Variants in TLL1 observed in about 807,000 individuals in gnomAD.
TLL1 encodes tolloid-like protein 1.
In TLL1, 49 loss-of-function variants were observed where a neutral mutation model predicts 128.2. The observed-to-expected ratio is 0.38, with a 90% CI of 0.30 to 0.48. The LOEUF is 0.48. TLL1 is among the 20% of genes least tolerant of loss of function. The pLI is 0.96. For missense variants in TLL1, 1,123 were observed against 1,242.0 expected, an observed-to-expected ratio of 0.90 and a Z score of 1.44; for synonymous variants, 454 against 418.8, an observed-to-expected ratio of 1.08 and a Z score of -1.03.
chr4:165,966,644 C>T (rs912328237), intron 1 of TLL1, among the ~76,000 whole-genome samples: 9 of 152,084 alleles, frequency 5.9e-5, no homozygotes, highest in African/African-American at 2.2e-4. Flanking sequence ...CTGGGGGAGA[C>T]ATCACATGTC....
In TLL1 at chr4:166,103,281, G is replaced by A. The variant is rs1742370552; in HGVS notation, c.*2405G>A. 1 of 151,770 alleles carries A rather than the reference G, an allele frequency of 6.6e-6. No individual in the cohort carries two copies. Among genetic ancestry groups the A allele is most frequent in the East Asian group, 1.9e-4 (1 of 5,160 alleles). The allele number at this position is 151,770 out of a possible 1,614,324, so 9.4% of individuals were successfully genotyped here. On this transcript the variant is annotated 3_prime_UTR_variant, in exon 21 of 21. Coordinates refer to ENST00000061240, the MANE Select transcript of TLL1 (RefSeq NM_012464.5). The stretch of plus-strand genomic sequence containing the variant: ...GGGGTGAATTAGAGTAAAACTTACA[G>A]GATAAGCATTTTGCTCTTTTTAAGA...
Position 166,043,335 on chromosome 4 carries a change from T to A in TLL1, c.1440T>A (p.Asp480Glu), listed in dbSNP as rs1266501527. The A allele has an allele frequency of 3.1e-6, 5 of 1,614,052 alleles. No homozygotes were observed. The highest frequency in any genetic ancestry group is 4.2e-6 in the Non-Finnish European group (5 of 1,180,004). The change falls in exon 12 of 21, where the codon GAT becomes GAA. Residue 480 changes from aspartate to glutamate, a missense_variant. Around this residue, in one of 3 missense-constraint regions of TLL1, gnomAD observed 634 missense variants for 672.4 expected, o/e 0.94. Transcript: ENST00000061240. ...EGQIQSPNYP[D>E]DYRPMKECVW... is the part of the protein sequence containing the mutation. ...AGATTCAGTCTCCCAATTATCCTGA[T>A]GACTATCGCCCGATGAAAGAATGTG...
rs1736783530 is a variant in TLL1 at position 165,994,588 on chromosome 4, AT to A, written c.514+57del. 3 of 1,589,070 alleles carry A rather than the reference AT, an allele frequency of 1.9e-6. No individual in the cohort carries two copies. In the East Asian group the frequency reaches 6.7e-5, roughly 36 times the overall value. On this transcript the variant is annotated intron_variant, in intron 4 of 20. Transcript: ENST00000061240. ...TAAAGAAATAAAAACTATCATACAG[AT>A]TAAGTGTCTATTTTTATAGAATATT...
rs1207682977 is a variant in TLL1 at position 165,992,781 on chromosome 4, C to G, written c.281-23C>G. 8.7e-6 allele frequency: 14 copies of G among 1,607,984 alleles called. No individual in the cohort carries two copies. The East Asian group carries it at 1.1e-4, about 13-fold the overall frequency. On this transcript the variant is annotated intron_variant, in intron 2 of 20. Coordinates refer to ENST00000061240, the MANE Select transcript of TLL1 (RefSeq NM_012464.5). ...GAACTTTAACATATTTTGAGTTTAA[C>G]TTGTTTCCTTTTATTCTTTAAGGTG...
At position 166,030,330 on chromosome 4, in the gene TLL1, C is replaced by A. The variant is rs999630753; in HGVS notation, c.1158+4899C>A. The stretch of plus-strand genomic sequence containing the variant: ...TCCTTGTAGAAATATTTATTCAAGT[C>A]TTTTGCCTATGTTTAAATCAGATTA... On this transcript the variant is annotated intron_variant, in intron 9 of 20. Coordinates refer to ENST00000061240, the MANE Select transcript of TLL1 (RefSeq NM_012464.5). 7 of 400,924 alleles carry A rather than the reference C, an allele frequency of 1.7e-5. No homozygotes were observed. In the East Asian group the frequency reaches 1.8e-4, roughly 10 times the overall value. The allele number at this position is 400,924 out of a possible 1,614,324, so 24.8% of individuals were successfully genotyped here. A position where few individuals can be genotyped will look rare whatever the true frequency, so the allele number is the denominator to read the frequency against.
At chr4:165,879,540 T>C (rs1387751652) in intron 1 of TLL1, among the ~76,000 whole-genome samples, 3 of 152,196 alleles carry the variant, frequency 2.0e-5, no homozygotes, top group Non-Finnish European at 2.9e-5. Flanking sequence ...TAGGTAGTAT[T>C]AAGTGCTGAT....
rs116956995 is a variant in TLL1 at position 165,877,225 on chromosome 4, A to G, written c.169+3152A>G. Among the ~76,000 whole-genome samples, 376 of 152,336 alleles carry G rather than the reference A, an allele frequency of 2.5e-3. 2 individuals carry two copies. The East Asian group carries it at 0.043, about 18-fold the overall frequency. On this transcript the variant is annotated intron_variant, in intron 1 of 20. Coordinates refer to ENST00000061240, the MANE Select transcript of TLL1 (RefSeq NM_012464.5). ...AGGAAGGAATCCTTGTGTTAATTTG[A>G]TAGGATTTTTATTCAGAAAGACATT... is the stretch of plus-strand genomic sequence containing the variant.
At chr4:165,934,652 A>G (rs1307067299) in intron 1 of TLL1, among the ~76,000 whole-genome samples, 2 of 152,168 alleles carry the variant, frequency 1.3e-5, no homozygotes, top group East Asian at 3.9e-4. Flanking sequence ...TTTTCTTCTT[A>G]TTCTGTACCA....
At chr4:165,886,647 T>G (rs769701196) in intron 1 of TLL1, among the ~76,000 whole-genome samples, 50 of 152,268 alleles carry the variant, frequency 3.3e-4, no homozygotes, top group Non-Finnish European at 6.2e-4. Flanking sequence ...TATAAACCAT[T>G]CAATCCTCTC....
At chr4:165,927,854 T>C (rs1488388154) in intron 1 of TLL1, among the ~76,000 whole-genome samples, 2 of 152,188 alleles carry the variant, frequency 1.3e-5, no homozygotes. Flanking sequence ...AGGGCTGAGG[T>C]TGAGACCTCT....
intron 15 of TLL1, among the ~76,000 whole-genome samples, chr4:166,061,824 T>A (rs1418971568): frequency 6.6e-6 from 1 of 152,120 alleles, no homozygotes; most frequent in Non-Finnish European, 1.5e-5. Context: ...TTGCCTAGGT[T>A]TTCTTCTAGG....
chr4:166,101,884 G>T lies in TLL1; in HGVS notation c.*1008G>T, dbSNP rs1276745721. 1 of 152,316 alleles carries T rather than the reference G, an allele frequency of 6.6e-6. No individual in the cohort carries two copies. Among genetic ancestry groups the T allele is most frequent in the Non-Finnish European group, 1.5e-5 (1 of 67,932 alleles). The allele number at this position is 152,316 out of a possible 1,614,324, so 9.4% of individuals were successfully genotyped here. The stretch of plus-strand genomic sequence containing the variant: ...AAGTAGGCCTTGTGAGAACTGAAAG[G>T]TCTCTTTCATTTTTCTCTTCCTGGG... On this transcript the variant is annotated 3_prime_UTR_variant, in exon 21 of 21. Transcript: ENST00000061240.
At chr4:165,998,762 A>C (rs1043292127) in intron 5 of TLL1, among the ~76,000 whole-genome samples, 1 of 151,364 alleles carries the variant, frequency 6.6e-6, no homozygotes, top group Admixed American at 6.6e-5. Flanking sequence ...GCACCACTGC[A>C]CTCCAGCCTG....
At chr4:166,053,606 T>A (rs1202035268) in intron 12 of TLL1, among the ~76,000 whole-genome samples, 1 of 152,194 alleles carries the variant, frequency 6.6e-6, no homozygotes, top group Non-Finnish European at 1.5e-5. Flanking sequence ...TACTACCTCA[T>A]TTGAAGACTA....
chr4:166,021,618 A>T (rs1238359643), intron 8 of TLL1, among the ~76,000 whole-genome samples: 1 of 152,022 alleles, frequency 6.6e-6, no homozygotes, highest in Non-Finnish European at 1.5e-5. Flanking sequence ...TTTTTAGTAG[A>T]CATGAGGTTT....
At chr4:165,905,905 T>C (rs894356622) in intron 1 of TLL1, among the ~76,000 whole-genome samples, 1 of 152,108 alleles carries the variant, frequency 6.6e-6, no homozygotes, top group Non-Finnish European at 1.5e-5. Context: ...ACCCCACAAA[T>C]GTCTGCTGAG....
intron 1 of TLL1, among the ~76,000 whole-genome samples, chr4:165,890,213 G>T (rs1012285326): frequency 6.6e-6 from 1 of 151,554 alleles, no homozygotes; most frequent in East Asian, 2.1e-4. Context: ...CTCATGACAT[G>T]TGGGGATTAT....
intron 14 of TLL1, among the ~76,000 whole-genome samples, chr4:166,059,122 TATC>T (rs966302139): frequency 1.3e-5 from 2 of 151,822 alleles, no homozygotes; most frequent in Non-Finnish European, 2.9e-5. Flanking sequence ...ATACTTATCT[TATC>T]ATAATTTACC....
At chr4:166,073,017 A>G (rs1428404578) in intron 16 of TLL1, among the ~76,000 whole-genome samples, 2 of 152,140 alleles carry the variant, frequency 1.3e-5, no homozygotes, top group East Asian at 3.9e-4. Context: ...TCTTATATTA[A>G]GTATACCAAA....
Sources: allele counts gnomAD v4.1 joint callset (sites outside exome capture counted in the v4.1 genomes callset), GRCh38; gene constraint gnomAD v4.1.1; regional missense constraint gnomAD v4.1.1; transcripts MANE v1.5; gene names NCBI Gene and HGNC (gene_info 2026-07-23, HGNC 2026-07-21).